The following DHRS9 variants were observed in gnomAD, a reference collection of about 807,000 sequenced individuals.
DHRS9 encodes dehydrogenase/reductase 9, also known as dehydrogenase/reductase SDR family member 9.
In DHRS9, 18 loss-of-function variants were observed where a neutral mutation model predicts 26.6. The ratio of observed to expected loss-of-function variants is 0.68; its 90% CI spans 0.47 to 1.00. The LOEUF is 1.00. Among genes scored for constraint, DHRS9 ranks in the 50% least tolerant of loss-of-function variants. DHRS9 has a pLI of 0.00. For synonymous variants in DHRS9, 134 were observed against 141.1 expected, an observed-to-expected ratio of 0.95 and a Z score of 0.36; for missense variants, 425 against 378.7, an observed-to-expected ratio of 1.12 and a Z score of -1.01.
intron 1 of DHRS9, among the ~76,000 whole-genome samples, chr2:169,078,815 CTTTT>C (rs200691133): frequency 1.3e-3 from 144 of 110,316 alleles, no homozygotes; most frequent in African/African-American, 5.1e-3. Context: ...TATCAACTGA[CTTTT>C]TTTTTTTTTT....
chr2:169,078,641 G>A (rs1684038626), intron 1 of DHRS9, among the ~76,000 whole-genome samples: 1 of 151,944 alleles, frequency 6.6e-6, no homozygotes, highest in African/African-American at 2.4e-5. Flanking sequence ...ACATTGATTT[G>A]CAACAAATTA....
intron 2 of DHRS9, 144 bp from the exon 3 acceptor site, chr2:169,083,185 C>T: frequency 9.5e-7 from 1 of 1,058,138 alleles, no homozygotes; most frequent in South Asian, 1.6e-5. Context: ...GCTATCACTT[C>T]CCAAAACTGC....
chr2:169,095,912 T>G lies in DHRS9; in HGVS notation c.*145T>G. ...TGGATTGCAAAAGGGAGTCCCACCA[T>G]CGCTGGTGGTATCCCAGGGTCCCTG... On this transcript the variant is annotated 3_prime_UTR_variant, in exon 5 of 5. Coordinates refer to ENST00000674881, the MANE Select transcript of DHRS9 (RefSeq NM_001376924.1). The G allele has an allele frequency of 1.4e-6, 1 of 728,188 alleles. No individual in the cohort carries two copies. Among genetic ancestry groups the G allele is most frequent in the Non-Finnish European group, 2.3e-6 (1 of 437,676 alleles). 45.1% of individuals were successfully genotyped at this position (728,188 alleles called of 1,614,324 possible). A position where few individuals can be genotyped will look rare whatever the true frequency, so the allele number is the denominator to read the frequency against.
chr2:169,087,739 G>A (rs772530560), intron 3 of DHRS9, among the ~76,000 whole-genome samples: 1 of 152,130 alleles, frequency 6.6e-6, no homozygotes, highest in Non-Finnish European at 1.5e-5. Context: ...TTCCCTTCAA[G>A]GCAGTGGGTT....
At chr2:169,086,088 C>G (rs1684340286) in intron 3 of DHRS9, among the ~76,000 whole-genome samples, 1 of 152,098 alleles carries the variant, frequency 6.6e-6, no homozygotes, top group African/African-American at 2.4e-5. Flanking sequence ...ATCTCTCTCT[C>G]TCTCTCCCTC....
chr2:169,077,465 G>A (rs1353226296), intron 1 of DHRS9, among the ~76,000 whole-genome samples: 1 of 152,136 alleles, frequency 6.6e-6, no homozygotes, highest in Non-Finnish European at 1.5e-5. Flanking sequence ...ATCATATTTT[G>A]AGATAATTCC....
chr2:169,075,771 A>G (rs1204297618), intron 1 of DHRS9, among the ~76,000 whole-genome samples: 1 of 152,132 alleles, frequency 6.6e-6, no homozygotes, highest in African/African-American at 2.4e-5. Context: ...CCCATGCATA[A>G]TTAGCTTTGG....
chr2:169,082,229 C>T (rs955759198), intron 2 of DHRS9, among the ~76,000 whole-genome samples: 17 of 152,160 alleles, frequency 1.1e-4, no homozygotes. Flanking sequence ...CTAAAATGTA[C>T]AGGAGAATAT....
intron 1 of DHRS9, among the ~76,000 whole-genome samples, chr2:169,071,014 A>T (rs1432921189): frequency 6.6e-6 from 1 of 152,004 alleles, no homozygotes; most frequent in Non-Finnish European, 1.5e-5. Flanking sequence ...CAGTGAGCTG[A>T]GATCACGCCA....
chr2:169,082,886 TG>T (rs1309408091), intron 2 of DHRS9, among the ~76,000 whole-genome samples: 1 of 43,680 alleles, frequency 2.3e-5, no homozygotes, highest in African/African-American at 9.6e-5. Context: ...TGTTGTGGGG[TG>T]GGGGGAGGGG....
At chr2:169,072,011 T>A (rs574529492) in intron 1 of DHRS9, among the ~76,000 whole-genome samples, 5 of 151,328 alleles carry the variant, frequency 3.3e-5, no homozygotes, top group Middle Eastern at 3.4e-3. Context: ...CACCTGGGTT[T>A]TTTTTTTTTT....
intron 1 of DHRS9, among the ~76,000 whole-genome samples, chr2:169,077,968 T>G (rs1460368786): frequency 1.3e-5 from 2 of 152,220 alleles, no homozygotes; most frequent in African/African-American, 4.8e-5. Flanking sequence ...CTTTTATCCC[T>G]GCCTCTCAGC....
intron 3 of DHRS9, among the ~76,000 whole-genome samples, chr2:169,089,913 C>T (rs1030106866): frequency 2.6e-5 from 4 of 152,152 alleles, no homozygotes; most frequent in African/African-American, 9.7e-5. Flanking sequence ...CATAAAAAAA[C>T]CTCCATTGGT....
At chr2:169,095,454 C>T (rs1020991832) in intron 4 of DHRS9, 90 bp from the exon 5 acceptor site, 4 of 978,896 alleles carry the variant, frequency 4.1e-6, no homozygotes, top group Non-Finnish European at 6.5e-6. Flanking sequence ...AGAATAAATC[C>T]CCTTGTATCC....
intron 1 of DHRS9, among the ~76,000 whole-genome samples, chr2:169,080,760 T>C (rs1387692679): frequency 1.3e-5 from 2 of 152,158 alleles, no homozygotes; most frequent in African/African-American, 4.8e-5. Flanking sequence ...GTCCATGTGA[T>C]TTTTTTCTCA....
At chr2:169,083,080 A>G (rs1014851920) in intron 2 of DHRS9, among the ~76,000 whole-genome samples, 1 of 152,128 alleles carries the variant, frequency 6.6e-6, no homozygotes, top group Non-Finnish European at 1.5e-5. Context: ...AAGCAGAAAG[A>G]CTCACTCACA....
chr2:169,090,257 T>C (rs1684480872), intron 3 of DHRS9, among the ~76,000 whole-genome samples: 1 of 152,172 alleles, frequency 6.6e-6, no homozygotes, highest in African/African-American at 2.4e-5. Context: ...TGCATACTGA[T>C]TTAATATGGT....
intron 4 of DHRS9, 137 bp from the exon 5 acceptor site, chr2:169,095,407 A>G (rs1165354263): frequency 5.5e-6 from 4 of 729,236 alleles, no homozygotes; most frequent in Non-Finnish European, 9.5e-6. Context: ...ATAGATAGTA[A>G]ATCCTCAAAA....
intron 1 of DHRS9, chr2:169,072,830 A>G (rs1683847790): frequency 4.8e-6 from 1 of 209,766 alleles, no homozygotes; most frequent in South Asian, 1.7e-4. Flanking sequence ...TCTCTTTCAC[A>G]CAGTTTAGAG....
Sources: gnomAD v4.1 joint callset for allele counts (sites outside exome capture counted in the v4.1 genomes callset) on GRCh38, gnomAD v4.1.1 for gene constraint, MANE v1.5 for transcripts, NCBI Gene and HGNC (gene_info 2026-07-23, HGNC 2026-07-21) for gene names.